Variants in SPAG16 observed in about 807,000 individuals in gnomAD.
SPAG16 encodes sperm associated antigen 16.
Under a neutral mutation model 80.4 loss-of-function variants are expected in SPAG16, and 86 were observed. The ratio of observed to expected loss-of-function variants is 1.07; its 90% CI spans 0.90 to 1.28. SPAG16 has a LOEUF of 1.28. Ranked by LOEUF, SPAG16 falls within the 50% of genes most tolerant of loss-of-function variation. The pLI is 0.00. For missense variants in SPAG16, 870 were observed against 765.3 expected (o/e 1.14, Z -1.61); for synonymous variants, 294 against 265.9 (o/e 1.11, Z -1.03).
intron 15 of SPAG16, among the ~76,000 whole-genome samples, chr2:214,232,221 T>C (rs1187836571): frequency 1.3e-5 from 2 of 151,990 alleles, no homozygotes; most frequent in Non-Finnish European, 2.9e-5. Context: ...TTTATTCTTT[T>C]TTCTGGTAAT....
intron 10 of SPAG16, among the ~76,000 whole-genome samples, chr2:213,724,784 AAAAAAAAAAAAAAAAAAG>A (rs1384635445): frequency 3.0e-5 from 4 of 132,002 alleles, no homozygotes; most frequent in South Asian, 2.7e-4. Context: ...CTCAAAAAAA[AAAAAAAAAAAAAAAAAAG>A]AAAAAAGGAT....
At chr2:214,296,846 G>A (rs932153296) in intron 15 of SPAG16, among the ~76,000 whole-genome samples, 1 of 152,134 alleles carries the variant, frequency 6.6e-6, no homozygotes, top group African/African-American at 2.4e-5. Flanking sequence ...ATGGCTTGGT[G>A]CACACCTCAC....
intron 12 of SPAG16, among the ~76,000 whole-genome samples, chr2:214,006,276 A>G (rs1047510601): frequency 6.6e-6 from 1 of 152,196 alleles, no homozygotes; most frequent in African/African-American, 2.4e-5. Context: ...AAACAAACAT[A>G]TCAAAGGAAA....
intron 13 of SPAG16, among the ~76,000 whole-genome samples, chr2:214,066,991 TG>T (rs1489902632): frequency 6.6e-6 from 1 of 152,136 alleles, no homozygotes; most frequent in Non-Finnish European, 1.5e-5. Context: ...GTATGCTCTC[TG>T]GGGGGTTTTA....
intron 14 of SPAG16, 46 bp from the exon 15 acceptor site, chr2:214,149,094 T>TAC (rs1553515471): frequency 1.8e-5 from 13 of 706,160 alleles, no homozygotes; most frequent in Admixed American, 6.4e-5. Flanking sequence ...TATATATATA[T>TAC]ATACATACAT....
intron 15 of SPAG16, among the ~76,000 whole-genome samples, chr2:214,388,703 A>G (rs1232946112): frequency 6.6e-6 from 1 of 152,188 alleles, no homozygotes; most frequent in African/African-American, 2.4e-5. Flanking sequence ...AATAAACTTT[A>G]CTGGGTGGGG....
chr2:213,975,832 A>G (rs2045343334), intron 12 of SPAG16, among the ~76,000 whole-genome samples: 1 of 151,958 alleles, frequency 6.6e-6, no homozygotes, highest in Non-Finnish European at 1.5e-5. Flanking sequence ...AGCTTGCAAC[A>G]ACCATGTTTT....
intron 15 of SPAG16, among the ~76,000 whole-genome samples, chr2:214,397,054 G>A (rs551422116): frequency 4.0e-5 from 6 of 151,094 alleles, no homozygotes; most frequent in Admixed American, 2.6e-4. Context: ...TGTAATTGTT[G>A]ATTTTGGCAA....
At chr2:213,674,483 A>G (rs533443619) in intron 10 of SPAG16, among the ~76,000 whole-genome samples, 12 of 150,980 alleles carry the variant, frequency 7.9e-5, no homozygotes, top group Non-Finnish European at 1.5e-4. Flanking sequence ...CGCTGCACCC[A>G]CTAACTCGTC....
At chr2:213,845,189 A>G (rs1575330231) in intron 10 of SPAG16, among the ~76,000 whole-genome samples, 1 of 131,236 alleles carries the variant, frequency 7.6e-6, no homozygotes, top group South Asian at 2.6e-4. Context: ...TGTTTTATAT[A>G]TCTAGTGTTC....
At chr2:213,928,496 G>A (rs189205593) in intron 11 of SPAG16, among the ~76,000 whole-genome samples, 6 of 152,174 alleles carry the variant, frequency 3.9e-5, no homozygotes, top group South Asian at 2.1e-4. Flanking sequence ...CTGTTTCTAC[G>A]CTGCAGATAG....
chr2:213,706,553 T>G (rs974814276), intron 10 of SPAG16, among the ~76,000 whole-genome samples: 1 of 152,226 alleles, frequency 6.6e-6, no homozygotes, highest in Non-Finnish European at 1.5e-5. Context: ...AATACTGAAA[T>G]TGTCTCCTTA....
rs1281854281 is a variant in SPAG16, at chr2:214,096,638, C to T, written c.1528-11558C>T. 3.3e-5 allele frequency among the ~76,000 whole-genome samples: 5 copies of T among 151,902 alleles called. No individual in the cohort carries two copies. In the East Asian group the frequency reaches 9.7e-4, roughly 29 times the overall value. ...TCTGAAAAACAGCTGGTTTCTTCAGCAATTCAACCTAGAACAAAGAAATAA... is the reference window on the plus strand; with the variant it reads ...TCTGAAAAACAGCTGGTTTCTTCAGTAATTCAACCTAGAACAAAGAAATAA... On this transcript the variant is annotated intron_variant, in intron 13 of 15. Coordinates refer to ENST00000331683, the MANE Select transcript of SPAG16 (RefSeq NM_024532.5).
chr2:213,853,458 C>G (rs1329320229), intron 10 of SPAG16, among the ~76,000 whole-genome samples: 1 of 152,162 alleles, frequency 6.6e-6, no homozygotes, highest in Non-Finnish European at 1.5e-5. Context: ...CGAAAAAAAT[C>G]TCTGCCAGAA....
intron 11 of SPAG16, among the ~76,000 whole-genome samples, chr2:213,926,353 C>T (rs2078478216): frequency 6.6e-6 from 1 of 152,064 alleles, no homozygotes; most frequent in Non-Finnish European, 1.5e-5. Context: ...GCAGTATGCA[C>T]TTTACCCAAT....
At chr2:213,698,903 G>A (rs887992428) in intron 10 of SPAG16, among the ~76,000 whole-genome samples, 1 of 152,188 alleles carries the variant, frequency 6.6e-6, no homozygotes. Flanking sequence ...CCACTAAACT[G>A]TATTAATTAA....
chr2:214,224,333 A>G (rs907148225), intron 15 of SPAG16, among the ~76,000 whole-genome samples: 4 of 152,186 alleles, frequency 2.6e-5, no homozygotes, highest in African/African-American at 9.6e-5. Context: ...ATCAGAACAA[A>G]AACAGTGAAT....
intron 9 of SPAG16, among the ~76,000 whole-genome samples, chr2:213,410,586 C>G (rs534752570): frequency 6.6e-6 from 1 of 152,268 alleles, no homozygotes; most frequent in Non-Finnish European, 1.5e-5. Flanking sequence ...TTTGTAATTT[C>G]CTAAAACCCT....
chr2:213,869,264 A>AAAT lies in SPAG16; in HGVS notation c.1214+6637_1214+6638insATA, dbSNP rs552335638. 5.3e-4 allele frequency among the ~76,000 whole-genome samples: 34 copies of AAAT among 63,596 alleles called. 1 individual carries two copies. In the East Asian group the frequency reaches 5.5e-3, roughly 10 times the overall value. 41.7% of individuals were successfully genotyped at this position (63,596 alleles called of 152,430 possible). ...GCTAAAGTCCATGTCAAAAAAAAAA[A>AAAT]ATATATATATATATATGTATATATA... On this transcript the variant is annotated intron_variant, in intron 11 of 15. Transcript: ENST00000331683.
Sources: allele counts gnomAD v4.1 joint callset (sites outside exome capture counted in the v4.1 genomes callset), GRCh38; gene constraint gnomAD v4.1.1; transcripts MANE v1.5; gene names NCBI Gene and HGNC (gene_info 2026-07-23, HGNC 2026-07-21).